The following XKR6 variants were observed in gnomAD, a reference collection of about 807,000 sequenced individuals.
The protein encoded by XKR6 is XK related 6, also known as XK-related protein 6.
Under a neutral mutation model 56.7 loss-of-function variants are expected in XKR6, and 22 were observed. The observed-to-expected ratio is 0.39, with a 90% CI of 0.28 to 0.55. The LOEUF (loss-of-function observed/expected upper bound fraction) is 0.55, where lower values mean the gene tolerates loss of function less well. Ranked by LOEUF, XKR6 falls within the 20% of genes least tolerant of loss-of-function variation. The pLI, the probability that XKR6 is intolerant of heterozygous loss-of-function variation, is 0.66. For missense variants in XKR6, 852 were observed against 889.0 expected (o/e 0.96, Z 0.53); for synonymous variants, 524 against 387.8 (o/e 1.35, Z -4.13).
chr8:11,071,625 C>T (rs1016271250), intron 1 of XKR6, among the ~76,000 whole-genome samples: 12 of 145,136 alleles, frequency 8.3e-5, no homozygotes, highest in East Asian at 2.1e-4. Context: ...CCATGGGCCC[C>T]GAGTCCATGA....
At chr8:11,035,451 T>G (rs1274029982) in intron 1 of XKR6, 1 of 449,440 alleles carries the variant, frequency 2.2e-6, no homozygotes, top group African/African-American at 2.0e-5. Flanking sequence ...CCAAACAGGA[T>G]CCAAGAAGTG....
intron 1 of XKR6, among the ~76,000 whole-genome samples, chr8:11,016,982 AT>A (rs1278385058): frequency 6.6e-6 from 1 of 152,248 alleles, no homozygotes; most frequent in East Asian, 1.9e-4. Context: ...AGACGGATAG[AT>A]TAGATAGACT....
intron 1 of XKR6, among the ~76,000 whole-genome samples, chr8:11,031,300 C>A (rs978549223): frequency 2.0e-5 from 3 of 152,212 alleles, no homozygotes; most frequent in Admixed American, 2.0e-4. Context: ...CCACAGTGAC[C>A]CAACGGCTCA....
intron 1 of XKR6, among the ~76,000 whole-genome samples, chr8:11,091,185 C>T (rs1399373125): frequency 6.6e-6 from 1 of 152,172 alleles, no homozygotes; most frequent in Non-Finnish European, 1.5e-5. Context: ...AATCCCAGCA[C>T]TTGGGAGAGA....
chr8:11,192,601 T>C (rs1046579183), intron 1 of XKR6, among the ~76,000 whole-genome samples: 21 of 151,848 alleles, frequency 1.4e-4, no homozygotes, highest in South Asian at 1.2e-3. Flanking sequence ...GGAAACAGAG[T>C]GAGAATCTGT....
intron 1 of XKR6, among the ~76,000 whole-genome samples, chr8:11,193,602 A>C (rs960639721): frequency 1.3e-5 from 2 of 152,188 alleles, no homozygotes; most frequent in African/African-American, 4.8e-5. Context: ...AATTCACTTA[A>C]CAGAATTATT....
intron 1 of XKR6, among the ~76,000 whole-genome samples, chr8:11,163,633 G>T (rs780404321): frequency 5.9e-5 from 9 of 152,216 alleles, no homozygotes; most frequent in Non-Finnish European, 8.8e-5. Context: ...AGACACTCAG[G>T]AGGAATAGAA....
At chr8:11,029,172 G>A (rs539948574) in intron 1 of XKR6, among the ~76,000 whole-genome samples, 2 of 152,072 alleles carry the variant, frequency 1.3e-5, no homozygotes, top group East Asian at 1.9e-4. Context: ...ATCCCTCCCA[G>A]GCCCCTTCAC....
chr8:11,051,303 TG>T (rs1164483726), intron 1 of XKR6, among the ~76,000 whole-genome samples: 2 of 152,082 alleles, frequency 1.3e-5, no homozygotes, highest in Admixed American at 6.5e-5. Context: ...CCTCGGCAGC[TG>T]CCTGTCTCTC....
chr8:11,182,805 T>C (rs909752842), intron 1 of XKR6, among the ~76,000 whole-genome samples: 5 of 152,202 alleles, frequency 3.3e-5, no homozygotes, highest in Admixed American at 1.3e-4. Flanking sequence ...CAATGCATCA[T>C]CAGTCATTTC....
intron 1 of XKR6, among the ~76,000 whole-genome samples, chr8:11,085,714 T>G (rs1797863385): frequency 6.6e-6 from 1 of 152,110 alleles, no homozygotes; most frequent in South Asian, 2.1e-4. Flanking sequence ...CCCACAGGCC[T>G]CTCCTCTGAA....
intron 1 of XKR6, among the ~76,000 whole-genome samples, chr8:11,031,128 C>T (rs987605160): frequency 1.3e-5 from 2 of 152,160 alleles, no homozygotes; most frequent in African/African-American, 4.8e-5. Context: ...CTGGCTGCTA[C>T]TGATTGAACC....
At chr8:11,062,649 T>A (rs558927631) in intron 1 of XKR6, 67 of 422,508 alleles carry the variant, frequency 1.6e-4, no homozygotes, top group Non-Finnish European at 3.0e-4. Context: ...AATCCCACAA[T>A]AGTAAACATA....
intron 1 of XKR6, among the ~76,000 whole-genome samples, chr8:11,107,609 G>A (rs887828650): frequency 1.3e-5 from 2 of 152,168 alleles, no homozygotes; most frequent in African/African-American, 2.4e-5. Context: ...CTCTCTCAGC[G>A]GCACTCTCTC....
chr8:11,100,617 AG>A (rs1265422233), intron 1 of XKR6, among the ~76,000 whole-genome samples: 1 of 152,226 alleles, frequency 6.6e-6, no homozygotes, highest in Non-Finnish European at 1.5e-5. Flanking sequence ...CAACTAAGAC[AG>A]CATTCACACT....
chr8:11,048,262 G>C (rs1338378600), intron 1 of XKR6, among the ~76,000 whole-genome samples: 1 of 152,088 alleles, frequency 6.6e-6, no homozygotes, highest in Non-Finnish European at 1.5e-5. Flanking sequence ...TCCGGCCCTT[G>C]TTTCTCAACA....
chr8:11,166,927 A>T (rs1802105836), intron 1 of XKR6, among the ~76,000 whole-genome samples: 1 of 152,208 alleles, frequency 6.6e-6, no homozygotes, highest in Non-Finnish European at 1.5e-5. Flanking sequence ...GCTAATAACT[A>T]TACCAAAAAT....
intron 1 of XKR6, among the ~76,000 whole-genome samples, chr8:11,089,590 C>T (rs934202516): frequency 6.6e-6 from 1 of 152,144 alleles, no homozygotes; most frequent in Admixed American, 6.5e-5. Flanking sequence ...TGAGCTATGA[C>T]TGTTCTACTG....
intron 1 of XKR6, among the ~76,000 whole-genome samples, chr8:11,116,109 T>C (rs967268475): frequency 2.6e-5 from 4 of 152,244 alleles, no homozygotes; most frequent in Admixed American, 1.3e-4. Context: ...TCTTAAGTTT[T>C]AGATTTTGCT....
Sources: allele counts gnomAD v4.1 joint callset (sites outside exome capture counted in the v4.1 genomes callset), GRCh38; gene constraint gnomAD v4.1.1; transcripts MANE v1.5; gene names NCBI Gene and HGNC (gene_info 2026-07-23, HGNC 2026-07-21).